Variants in NKAIN2 observed in about 807,000 individuals in gnomAD.
The protein encoded by NKAIN2 is sodium/potassium-transporting ATPase subunit beta-1-interacting protein 2.
A neutral mutation model predicts 32.6 loss-of-function variants in NKAIN2; 14 were observed. The observed-to-expected ratio is 0.43, with a 90% CI of 0.28 to 0.67. NKAIN2 has a LOEUF of 0.67. Ranked by LOEUF, NKAIN2 falls within the 30% of genes least tolerant of loss-of-function variation. The probability of loss-of-function intolerance (pLI) is 0.17; values close to 1 mark genes in which losing one functional copy is unlikely to be tolerated. For synonymous variants in NKAIN2, 80 were observed against 87.2 expected, an observed-to-expected ratio of 0.92 and a Z score of 0.46; for missense variants, 198 against 258.3, an observed-to-expected ratio of 0.77 and a Z score of 1.60.
chr6:124,006,902 G>T (rs144402710), intron 1 of NKAIN2, among the ~76,000 whole-genome samples: 12 of 152,318 alleles, frequency 7.9e-5, no homozygotes, highest in African/African-American at 2.6e-4. Flanking sequence ...GCTGAATGCT[G>T]TGAATGAAAT....
intron 4 of NKAIN2, among the ~76,000 whole-genome samples, chr6:124,722,544 G>A (rs28526207): frequency 7.9e-5 from 12 of 152,162 alleles, no homozygotes; most frequent in African/African-American, 2.9e-4. Context: ...TAAGGAGCAT[G>A]CAACCTAGAT....
At chr6:123,870,949 C>T (rs948479069) in intron 1 of NKAIN2, among the ~76,000 whole-genome samples, 9 of 152,038 alleles carry the variant, frequency 5.9e-5, no homozygotes, top group African/African-American at 2.2e-4. Flanking sequence ...TTCCAATCGT[C>T]AGAAGCACCT....
chr6:124,259,605 C>T (rs1794127246), intron 1 of NKAIN2, among the ~76,000 whole-genome samples: 1 of 152,104 alleles, frequency 6.6e-6, no homozygotes, highest in Non-Finnish European at 1.5e-5. Flanking sequence ...ACTAGTCTTG[C>T]TGTCATTGTT....
intron 4 of NKAIN2, among the ~76,000 whole-genome samples, chr6:124,788,090 A>G (rs1779583472): frequency 6.6e-6 from 1 of 152,122 alleles, no homozygotes; most frequent in Admixed American, 6.6e-5. Context: ...ACCTAAATCG[A>G]CTTCAAATTA....
chr6:124,615,834 A>G (rs995191870), intron 3 of NKAIN2, among the ~76,000 whole-genome samples: 3 of 152,040 alleles, frequency 2.0e-5, no homozygotes, highest in Non-Finnish European at 2.9e-5. Flanking sequence ...GTCTCTTTTC[A>G]TGTTCAATGA....
At chr6:124,387,926 G>A (rs1009359622) in intron 3 of NKAIN2, among the ~76,000 whole-genome samples, 2 of 152,076 alleles carry the variant, frequency 1.3e-5, no homozygotes, top group Non-Finnish European at 2.9e-5. Flanking sequence ...CTCGACTAGA[G>A]GCAATCTTGC....
intron 5 of NKAIN2, among the ~76,000 whole-genome samples, chr6:124,801,965 G>T (rs572066119): frequency 9.9e-5 from 15 of 152,242 alleles, no homozygotes; most frequent in African/African-American, 3.4e-4. Flanking sequence ...ACTCGATATA[G>T]GAAATCTAGT....
chr6:124,712,121 A>T (rs1017330495), intron 4 of NKAIN2, among the ~76,000 whole-genome samples: 17 of 151,506 alleles, frequency 1.1e-4, no homozygotes, highest in Non-Finnish European at 2.1e-4. Context: ...CCTCCCAGTT[A>T]GGCTGCTCGG....
intron 1 of NKAIN2, among the ~76,000 whole-genome samples, chr6:123,835,726 T>A (rs1447663811): frequency 1.3e-5 from 2 of 152,224 alleles, no homozygotes; most frequent in African/African-American, 4.8e-5. Context: ...TGTGTTGTCT[T>A]GGGCTGCTAC....
At chr6:124,762,057 T>A (rs1037001764) in intron 4 of NKAIN2, among the ~76,000 whole-genome samples, 1 of 152,298 alleles carries the variant, frequency 6.6e-6, no homozygotes, top group Middle Eastern at 3.4e-3. Context: ...TAAGAGTTCA[T>A]AGCTCATATT....
intron 3 of NKAIN2, among the ~76,000 whole-genome samples, chr6:124,383,748 A>G (rs982925975): frequency 1.4e-4 from 21 of 152,080 alleles, no homozygotes; most frequent in African/African-American, 4.3e-4. Context: ...TGTCTTCCAT[A>G]CCTGGACTTG....
intron 1 of NKAIN2, among the ~76,000 whole-genome samples, chr6:124,069,784 A>G (rs1783354144): frequency 6.6e-6 from 1 of 152,162 alleles, no homozygotes. Flanking sequence ...ACATCTCTTG[A>G]TGGCTACTGG....
At chr6:123,955,975 A>T (rs1156948403) in intron 1 of NKAIN2, among the ~76,000 whole-genome samples, 1 of 152,108 alleles carries the variant, frequency 6.6e-6, no homozygotes, top group African/African-American at 2.4e-5. Context: ...CTTAAACTTT[A>T]TGTAATTACG....
intron 2 of NKAIN2, among the ~76,000 whole-genome samples, chr6:124,327,377 CT>C (rs11303895): frequency 0.14 from 21,349 of 152,010 alleles, 3,077 homozygotes; most frequent in African/African-American, 0.36. Context: ...CATTGTTGAA[CT>C]CTTAATTAGC....
chr6:124,484,229 G>A (rs1777565716), intron 3 of NKAIN2, among the ~76,000 whole-genome samples: 1 of 152,178 alleles, frequency 6.6e-6, no homozygotes. Context: ...TTCCATTTCA[G>A]GAACATTCTG....
chr6:124,664,788 C>T (rs1225174478), intron 4 of NKAIN2, among the ~76,000 whole-genome samples: 18 of 65,356 alleles, frequency 2.8e-4, no homozygotes, highest in African/African-American at 1.1e-3. Context: ...AGCGAGACTC[C>T]GTCTCAAAAA....
rs193012702 is a variant in NKAIN2, at chr6:124,802,310, C to T, written c.535+10911C>T. On this transcript the variant is annotated intron_variant, in intron 5 of 6. Coordinates refer to ENST00000368417, the MANE Select transcript of NKAIN2 (RefSeq NM_001040214.3). ...TCTGGATGTCAGCTGAGAAGACATA[C>T]CCAATCATGTCTAACGAGCTCACCT... 3.1e-3 allele frequency among the ~76,000 whole-genome samples: 479 copies of T among 152,240 alleles called. 3 individuals carry two copies. Among genetic ancestry groups the T allele is most frequent in the Admixed American group, 8.0e-3 (122 of 15,306 alleles).
At chr6:124,395,878 A>G (rs989525027) in intron 3 of NKAIN2, among the ~76,000 whole-genome samples, 2 of 152,134 alleles carry the variant, frequency 1.3e-5, no homozygotes, top group African/African-American at 2.4e-5. Context: ...TCTCGGAGTA[A>G]TAAGTATCAT....
Position 124,372,834 on chromosome 6 carries a change from T to A in NKAIN2, c.273+17487T>A, listed in dbSNP as rs1400750293. On this transcript the variant is annotated intron_variant, in intron 3 of 6. Coordinates refer to ENST00000368417, the MANE Select transcript of NKAIN2 (RefSeq NM_001040214.3). ...GAAAATAATAGATATTTGTTAAAAATTTTTCTGAACATTCTGGGTTGATCC... is the reference window on the plus strand; with the variant it reads ...GAAAATAATAGATATTTGTTAAAAAATTTTCTGAACATTCTGGGTTGATCC... Among the ~76,000 whole-genome samples, 4 of 142,516 alleles carry A rather than the reference T, an allele frequency of 2.8e-5. No homozygotes were observed. The South Asian group carries it at 6.8e-4, about 24-fold the overall frequency. 93.5% of individuals were successfully genotyped at this position (142,516 alleles called of 152,430 possible).
Sources: allele counts gnomAD v4.1 joint callset (sites outside exome capture counted in the v4.1 genomes callset), GRCh38; gene constraint gnomAD v4.1.1; transcripts MANE v1.5; gene names NCBI Gene and HGNC (gene_info 2026-07-23, HGNC 2026-07-21).